The following RUNX1 variants were observed in gnomAD, a reference collection of about 807,000 sequenced individuals.
RUNX1 encodes RUNX family transcription factor 1.
RUNX1 carries 19 observed loss-of-function variants against 42.8 expected under a neutral mutation model. The observed-to-expected ratio is 0.44, with a 90% CI of 0.31 to 0.65. RUNX1 has a LOEUF of 0.65. Among genes scored for constraint, RUNX1 ranks in the 30% least tolerant of loss-of-function variants. The pLI, the probability that RUNX1 is intolerant of heterozygous loss-of-function variation, is 0.07. For missense variants in RUNX1, 528 were observed against 672.0 expected, an observed-to-expected ratio of 0.79 and a Z score of 2.37; for synonymous variants, 271 against 289.4, an observed-to-expected ratio of 0.94 and a Z score of 0.64.
intron 2 of RUNX1, among the ~76,000 whole-genome samples, chr21:35,008,675 G>T (rs1367758702): frequency 6.6e-6 from 1 of 152,234 alleles, no homozygotes; most frequent in Non-Finnish European, 1.5e-5. Flanking sequence ...TTCTATAGCA[G>T]TGAGCCCAGA....
intron 6 of RUNX1, among the ~76,000 whole-genome samples, chr21:34,840,205 G>A (rs116683479): frequency 0.027 from 4,145 of 152,288 alleles, 66 homozygotes; most frequent in African/African-American, 0.04. Context: ...GCAGGGAAGG[G>A]TTACATGGAA....
At chr21:34,992,516 T>A (rs2058952163) in intron 2 of RUNX1, among the ~76,000 whole-genome samples, 1 of 152,088 alleles carries the variant, frequency 6.6e-6, no homozygotes, top group African/African-American at 2.4e-5. Context: ...TTGGTCCCAG[T>A]CTCTGTCTCC....
chr21:35,027,154 A>AG lies in RUNX1; in HGVS notation c.58+21687dup, dbSNP rs778312077. Among the ~76,000 whole-genome samples, 38 of 152,192 alleles carry AG rather than the reference A, an allele frequency of 2.5e-4. No homozygotes were observed. The South Asian group carries it at 7.0e-3, about 28-fold the overall frequency. On this transcript the variant is annotated intron_variant, in intron 2 of 8. Coordinates refer to ENST00000675419, the MANE Select transcript of RUNX1 (RefSeq NM_001754.5). ...GGGTGGAGGGGCAGGGGGCGAAGGG[A>AG]GGGGGTGAAGCCCGCACCCTACCCC...
intron 2 of RUNX1, among the ~76,000 whole-genome samples, chr21:34,999,241 T>C (rs955083316): frequency 7.9e-5 from 12 of 152,222 alleles, no homozygotes; most frequent in Admixed American, 2.6e-4. Flanking sequence ...CTGGTGGTGA[T>C]GGGAGGCCGT....
intron 2 of RUNX1, among the ~76,000 whole-genome samples, chr21:34,981,961 G>A (rs1280396816): frequency 6.6e-6 from 1 of 152,176 alleles, no homozygotes; most frequent in East Asian, 1.9e-4. Flanking sequence ...GCCTGCAAGG[G>A]TGAGTCTCAG....
At chr21:34,928,905 T>G (rs1463376283) in intron 2 of RUNX1, among the ~76,000 whole-genome samples, 2 of 149,566 alleles carry the variant, frequency 1.3e-5, no homozygotes, top group Non-Finnish European at 3.0e-5. Flanking sequence ...AGTGTTAAGT[T>G]TCGGGGCTCA....
At chr21:34,850,937 T>C (rs60855390) in intron 6 of RUNX1, among the ~76,000 whole-genome samples, 50,622 of 152,088 alleles carry the variant, frequency 0.33, 8,816 homozygotes, top group East Asian at 0.52. Flanking sequence ...CTTTTGAGTA[T>C]GTATTGTGTG....
chr21:34,933,690 A>C (rs1336387601), intron 2 of RUNX1, among the ~76,000 whole-genome samples: 2 of 152,214 alleles, frequency 1.3e-5, no homozygotes, highest in Non-Finnish European at 2.9e-5. Context: ...CTGGGCATGC[A>C]GTACACTGCA....
chr21:34,987,672 GA>G (rs760102239), intron 2 of RUNX1, among the ~76,000 whole-genome samples: 3 of 152,098 alleles, frequency 2.0e-5, no homozygotes, highest in Non-Finnish European at 4.4e-5. Context: ...TAAAACCAAA[GA>G]GGGGGAAAAA....
At chr21:35,047,543 ACACACACACACACACACACTCT>A (rs1389262251) in intron 2 of RUNX1, among the ~76,000 whole-genome samples, 6 of 131,210 alleles carry the variant, frequency 4.6e-5, no homozygotes, top group Admixed American at 1.5e-4. Flanking sequence ...ACACACACAC[ACACACACACACACACACACTCT>A]CTCTCTCTCT....
chr21:34,796,934 G>C (rs1204041828), intron 8 of RUNX1, among the ~76,000 whole-genome samples: 2 of 152,230 alleles, frequency 1.3e-5, no homozygotes, highest in African/African-American at 4.8e-5. Context: ...GCCCAGGTGG[G>C]GCTGGGGCCG....
At chr21:34,989,129 C>G (rs1407503322) in intron 2 of RUNX1, among the ~76,000 whole-genome samples, 1 of 152,012 alleles carries the variant, frequency 6.6e-6, no homozygotes, top group East Asian at 1.9e-4. Context: ...CTGCCTCAAT[C>G]TCCTGAGTAG....
chr21:34,795,912 C>A (rs2145893355), intron 8 of RUNX1, among the ~76,000 whole-genome samples: 1 of 152,342 alleles, frequency 6.6e-6, no homozygotes, highest in South Asian at 2.1e-4. Flanking sequence ...ATACTCTGGA[C>A]ACAAATAAAT....
intron 5 of RUNX1, among the ~76,000 whole-genome samples, chr21:34,876,278 A>G (rs1331304532): frequency 1.3e-5 from 2 of 152,222 alleles, no homozygotes; most frequent in Non-Finnish European, 2.9e-5. Context: ...AAGGAGATCT[A>G]CTTTCTTAAT....
intron 2 of RUNX1, among the ~76,000 whole-genome samples, chr21:34,964,911 C>T (rs547701586): frequency 2.4e-4 from 37 of 152,246 alleles, no homozygotes; most frequent in East Asian, 7.8e-4. Context: ...CACACTCACA[C>T]GCATGCACAC....
chr21:34,926,172 T>C (rs992633152), intron 2 of RUNX1, among the ~76,000 whole-genome samples: 9 of 152,020 alleles, frequency 5.9e-5, no homozygotes, highest in Admixed American at 3.3e-4. Flanking sequence ...AAAATACAAA[T>C]GTGCTTAATA....
chr21:34,962,701 CCTCGTTCA>C (rs1232800382), intron 2 of RUNX1, among the ~76,000 whole-genome samples: 1 of 152,206 alleles, frequency 6.6e-6, no homozygotes, highest in African/African-American at 2.4e-5. Flanking sequence ...GTTTCCACTC[CCTCGTTCA>C]CAGACATACG....
rs2057579895 is a variant in RUNX1, at chr21:34,861,772, GC to G, written c.509-2195del. ...CCTGCCCTTCAGCATCTGGCAACGG[GC>G]AGTCACTCAGTCACTTGTTTTCCAG... On this transcript the variant is annotated intron_variant, in intron 5 of 8. Coordinates refer to ENST00000675419, the MANE Select transcript of RUNX1 (RefSeq NM_001754.5). Among the ~76,000 whole-genome samples the G allele has an allele frequency of 2.6e-5, 4 of 152,174 alleles. No individual in the cohort carries two copies. The South Asian group carries it at 8.3e-4, about 31-fold the overall frequency.
chr21:34,878,953 TATG>T (rs2057856344), intron 5 of RUNX1, among the ~76,000 whole-genome samples: 1 of 152,214 alleles, frequency 6.6e-6, no homozygotes, highest in African/African-American at 2.4e-5. Flanking sequence ...AGATGCATAG[TATG>T]ATGATAACAC....
Sources: gnomAD v4.1 joint callset for allele counts (sites outside exome capture counted in the v4.1 genomes callset) on GRCh38, gnomAD v4.1.1 for gene constraint, MANE v1.5 for transcripts, NCBI Gene and HGNC (gene_info 2026-07-23, HGNC 2026-07-21) for gene names.